Variants in CLCN7 observed in about 807,000 individuals in gnomAD.
CLCN7 encodes the protein H(+)/Cl(-) exchange transporter 7.
A neutral mutation model predicts 102.1 loss-of-function variants in CLCN7; 60 were observed. The observed-to-expected ratio is 0.59, with a 90% CI of 0.48 to 0.73. The LOEUF is 0.73. Among genes scored for constraint, CLCN7 ranks in the 30% least tolerant of loss-of-function variants. The probability of loss-of-function intolerance (pLI) is 0.00; values close to 1 mark genes in which losing one functional copy is unlikely to be tolerated. For missense variants in CLCN7, 962 were observed against 1,125.7 expected, an observed-to-expected ratio of 0.85 and a Z score of 2.08; for synonymous variants, 560 against 490.5, an observed-to-expected ratio of 1.14 and a Z score of -1.87.
In CLCN7 at chr16:1,461,345, G is replaced by C. The variant is rs2038932583; in HGVS notation, c.351+60C>G. 13 of 1,445,164 alleles carry C rather than the reference G, an allele frequency of 9.0e-6. No individual in the cohort carries two copies. In the Admixed American group the frequency reaches 1.2e-4, roughly 13 times the overall value. The allele number at this position is 1,445,164 out of a possible 1,614,324, so 89.5% of individuals were successfully genotyped here. Reference sequence around the variant, plus strand: ...TCACCCCGGCAGAAGAGCAGCCCCAGGCCCGGCCGGCACCAGGCCCCGCAC... The same window carrying C: ...TCACCCCGGCAGAAGAGCAGCCCCACGCCCGGCCGGCACCAGGCCCCGCAC... On this transcript the variant is annotated intron_variant, in intron 4 of 24. Transcript: ENST00000382745.
At chr16:1,461,363 C>T (rs772041058) in intron 4 of CLCN7, 42 bp downstream of exon 4, 2 of 1,524,210 alleles carry the variant, frequency 1.3e-6, no homozygotes, top group East Asian at 2.5e-5. Context: ...CGGCACCAGG[C>T]CCCGCACCGT....
intron 2 of CLCN7, 119 bp downstream of exon 2, chr16:1,465,148 C>T: frequency 2.3e-6 from 2 of 872,464 alleles, no homozygotes; most frequent in Non-Finnish European, 1.9e-6. Flanking sequence ...GGAAATCTTC[C>T]CTGAACCCCG....
At chr16:1,456,076 G>T (rs1026264402) in intron 10 of CLCN7, 37 bp downstream of exon 10, 5 of 1,478,850 alleles carry the variant, frequency 3.4e-6, no homozygotes, top group African/African-American at 1.4e-5. Context: ...CACACAGGGC[G>T]AGGGCAAAGC....
At chr16:1,448,169 C>A (rs567813309) in intron 21 of CLCN7, 186 bp downstream of exon 21, 33 of 823,680 alleles carry the variant, frequency 4.0e-5, no homozygotes, top group Admixed American at 1.1e-4. Flanking sequence ...AGGCCGCAGC[C>A]CCCCCCACCA....
rs1223253782 is a variant in CLCN7 at position 1,460,547 on chromosome 16, G to A, written c.485-20C>T. On this transcript the variant is annotated intron_variant, in intron 5 of 24. Coordinates refer to ENST00000382745, the MANE Select transcript of CLCN7 (RefSeq NM_001287.6). The stretch of plus-strand genomic sequence containing the variant: ...CGATATCTGGGGCTCATCAAGGAGG[G>A]CTGGCTGCTTCCCCGTCATGACCAC... 2 of 1,584,632 alleles carry A rather than the reference G, an allele frequency of 1.3e-6. No individual in the cohort carries two copies. The highest frequency in any genetic ancestry group is 1.7e-5 in the Admixed American group (1 of 59,938).
intron 1 of CLCN7, among the ~76,000 whole-genome samples, chr16:1,472,161 T>C (rs932000406): frequency 1.3e-5 from 2 of 152,270 alleles, no homozygotes; most frequent in Non-Finnish European, 2.9e-5. Context: ...ATTTTTTAAA[T>C]TGCTTGTAAG....
At position 1,452,781 on chromosome 16, in the gene CLCN7, C is replaced by T. The variant is rs1172441331; in HGVS notation, c.1327G>A (p.Gly443Arg). ...YSSRDCQPLQ[G>R]GSMSYPLQLF... ...TGCAGCGGGTAGGACATGGAGCCCCCCTGCAGGGGCTGGCAATCCCGCGAC... is the reference window on the plus strand; with the variant it reads ...TGCAGCGGGTAGGACATGGAGCCCCTCTGCAGGGGCTGGCAATCCCGCGAC... Residue 443 changes from glycine to arginine, a missense_variant, in exon 15 of 25, where the codon GGG (glycine) becomes AGG (arginine). Coordinates refer to ENST00000382745, the MANE Select transcript of CLCN7 (RefSeq NM_001287.6). 1 of 1,605,334 alleles carries T rather than the reference C, an allele frequency of 6.2e-7. No individual in the cohort carries two copies. Among genetic ancestry groups the T allele is most frequent in the Non-Finnish European group, 8.5e-7 (1 of 1,176,558 alleles).
intron 17 of CLCN7, 182 bp from the exon 18 acceptor site, chr16:1,449,509 T>A: frequency 1.6e-6 from 1 of 634,060 alleles, no homozygotes; most frequent in Non-Finnish European, 2.8e-6. Flanking sequence ...GCTGCATCCT[T>A]GGCCTGAACC....
chr16:1,446,429 A>G lies in CLCN7; in HGVS notation c.*202T>C, dbSNP rs1237263182. 3.3e-5 allele frequency: 23 copies of G among 703,586 alleles called. No homozygotes were observed. The Middle Eastern group carries it at 9.1e-4, about 28-fold the overall frequency. 43.6% of individuals were successfully genotyped at this position (703,586 alleles called of 1,614,324 possible). A position where few individuals can be genotyped will look rare whatever the true frequency, so the allele number is the denominator to read the frequency against. Reference sequence around the variant, plus strand: ...GCTGGGCCTGCGCAAGGAGGCGCCAAGGGGGGAGACCACTGCCCACAACAG... The same window carrying G: ...GCTGGGCCTGCGCAAGGAGGCGCCAGGGGGGGAGACCACTGCCCACAACAG... On this transcript the variant is annotated 3_prime_UTR_variant, in exon 25 of 25. Transcript: ENST00000382745.
At chr16:1,463,374 T>C (rs1315369861) in intron 2 of CLCN7, among the ~76,000 whole-genome samples, 1 of 152,280 alleles carries the variant, frequency 6.6e-6, no homozygotes, top group South Asian at 2.1e-4. Flanking sequence ...GATGCACCTG[T>C]GGTCCCAGCT....
At chr16:1,464,477 G>T (rs1218306227) in intron 2 of CLCN7, among the ~76,000 whole-genome samples, 1 of 152,262 alleles carries the variant, frequency 6.6e-6, no homozygotes, top group Non-Finnish European at 1.5e-5. Flanking sequence ...CAGCACAAAC[G>T]TATCAGAAGG....
At chr16:1,453,255 C>A (rs908856620) in intron 14 of CLCN7, among the ~76,000 whole-genome samples, 2 of 152,098 alleles carry the variant, frequency 1.3e-5, no homozygotes, top group Admixed American at 1.3e-4. Context: ...TCAGGTGATC[C>A]ACCCGCCTCG....
chr16:1,464,506 C>G (rs1288807347), intron 2 of CLCN7, among the ~76,000 whole-genome samples: 1 of 152,268 alleles, frequency 6.6e-6, no homozygotes, highest in Admixed American at 6.5e-5. Context: ...GGAAGAGGCG[C>G]TGCTGGCTGT....
intron 1 of CLCN7, among the ~76,000 whole-genome samples, chr16:1,473,675 C>T (rs1265674583): frequency 1.3e-5 from 2 of 151,862 alleles, no homozygotes; most frequent in Non-Finnish European, 2.9e-5. Flanking sequence ...GCCCTGCCGT[C>T]CTTCCTAATC....
At chr16:1,456,253 G>GT in intron 9 of CLCN7, 47 bp from the exon 10 acceptor site, 1 of 1,421,864 alleles carries the variant, frequency 7.0e-7, no homozygotes, top group Non-Finnish European at 9.7e-7. Flanking sequence ...TTGAGGGCAC[G>GT]GCTCTCAGAA....
rs935180657 is a variant in CLCN7, at chr16:1,457,940, G to A, written c.676-184C>T. Reference sequence around the variant, plus strand: ...CACAGTGGAGCTAAACAGCAGCCAAGCGTCCCCCGCACTCACTCGGGGGAC... The same window carrying A: ...CACAGTGGAGCTAAACAGCAGCCAAACGTCCCCCGCACTCACTCGGGGGAC... On this transcript the variant is annotated intron_variant, in intron 7 of 24. Transcript: ENST00000382745. The surrounding 1 kb of genome is among the most constrained non-coding windows in gnomAD (Gnocchi z 5.4). 2.0e-5 allele frequency among the ~76,000 whole-genome samples: 3 copies of A among 152,190 alleles called. No homozygotes were observed. The highest frequency in any genetic ancestry group is 7.2e-5 in the African/African-American group (3 of 41,458).
rs2038634192 is a variant in CLCN7 at position 1,446,045 on chromosome 16, G to T, written c.*586C>A. 2.1e-5 allele frequency: 12 copies of T among 572,454 alleles called. No homozygotes were observed. The highest frequency in any genetic ancestry group is 2.0e-4 in the South Asian group (9 of 45,038). 35.5% of individuals were successfully genotyped at this position (572,454 alleles called of 1,614,324 possible). A position where few individuals can be genotyped will look rare whatever the true frequency, so the allele number is the denominator to read the frequency against. On this transcript the variant is annotated 3_prime_UTR_variant, in exon 25 of 25. Coordinates refer to ENST00000382745, the MANE Select transcript of CLCN7 (RefSeq NM_001287.6). ...ATGCAGGCCGGGGAGTGCACGTGGG[G>T]CTCCTCTGTGGCGCCAGTGTGAAGC...
At chr16:1,452,074 C>A (rs1190327413) in intron 15 of CLCN7, 1 of 340,472 alleles carries the variant, frequency 2.9e-6, no homozygotes, top group Non-Finnish European at 5.8e-6. Context: ...GCTGTTGGCG[C>A]CCCGGTGCCA....
Position 1,448,884 on chromosome 16 carries a change from C to T in CLCN7, c.1797+82G>A, listed in dbSNP as rs564060968. 9.7e-5 allele frequency: 156 copies of T among 1,600,506 alleles called. No homozygotes were observed. In the African/African-American group the frequency reaches 1.3e-3, roughly 13 times the overall value. On this transcript the variant is annotated intron_variant, in intron 19 of 24. Transcript: ENST00000382745. ...AAACCCTGAGCCTACCCCCCGGGAC[C>T]GGCTGTTTGGAGGCTCACAGGGGCC...
Sources: allele counts gnomAD v4.1 joint callset (sites outside exome capture counted in the v4.1 genomes callset), GRCh38; gene constraint gnomAD v4.1.1; non-coding constraint Gnocchi (gnomAD v3.1); transcripts MANE v1.5; gene names NCBI Gene and HGNC (gene_info 2026-07-23, HGNC 2026-07-21).